The following GAN variants were observed in gnomAD, a reference collection of about 807,000 sequenced individuals.
The protein encoded by GAN is gigaxonin.
GAN carries 48 observed loss-of-function variants against 71.3 expected under a neutral mutation model. The observed-to-expected ratio is 0.67, with a 90% CI of 0.53 to 0.86. The LOEUF (loss-of-function observed/expected upper bound fraction) is 0.86. Ranked by LOEUF, GAN falls within the 40% of genes least tolerant of loss-of-function variation. GAN has a pLI of 0.00. For missense variants in GAN, 928 were observed against 770.1 expected, an observed-to-expected ratio of 1.21 and a Z score of -2.43; for synonymous variants, 386 against 276.8, an observed-to-expected ratio of 1.39 and a Z score of -3.92.
chr16:81,348,738 G>C (rs1336876137), intron 1 of GAN, among the ~76,000 whole-genome samples: 1 of 152,220 alleles, frequency 6.6e-6, no homozygotes, highest in East Asian at 1.9e-4. Flanking sequence ...GGTTAGACTT[G>C]TTGAACACAG....
intron 1 of GAN, among the ~76,000 whole-genome samples, chr16:81,328,708 C>T (rs1305843007): frequency 1.3e-5 from 2 of 149,838 alleles, no homozygotes; most frequent in Admixed American, 1.3e-4. Flanking sequence ...TCCTTCATCA[C>T]TTTTGGAAAT....
chr16:81,341,042 A>G (rs1468379023), intron 1 of GAN, among the ~76,000 whole-genome samples: 1 of 151,956 alleles, frequency 6.6e-6, no homozygotes, highest in African/African-American at 2.4e-5. Flanking sequence ...AAAGGATATC[A>G]GTGACTGAAG....
Position 81,351,661 on chromosome 16 carries a change from T to C in GAN, c.246T>C (p.Val82=). The change falls in exon 2 of 11, where the codon GTT becomes GTC. Residue 82 remains valine, a synonymous_variant. Coordinates refer to ENST00000648994, the MANE Select transcript of GAN (RefSeq NM_022041.4). ...KIELEGISVM[V]MREILDYIFS... is the part of the protein sequence containing the mutation. ...AACTTGAAGGGATATCGGTAATGGTTATGAGAGAGATCCTGGATTACATCT... is the reference window on the plus strand; with the variant it reads ...AACTTGAAGGGATATCGGTAATGGTCATGAGAGAGATCCTGGATTACATCT... 1 of 1,545,406 alleles carries C rather than the reference T, an allele frequency of 6.5e-7. No individual in the cohort carries two copies. The highest frequency in any genetic ancestry group is 8.9e-7 in the Non-Finnish European group (1 of 1,117,332).
rs145188850 is a variant in GAN at position 81,348,576 on chromosome 16, G to A, written c.168-3007G>A. Among the ~76,000 whole-genome samples, 5 of 152,350 alleles carry A rather than the reference G, an allele frequency of 3.3e-5. No homozygotes were observed. The East Asian group carries it at 7.7e-4, about 23-fold the overall frequency. ...TGTCAGTCTTCAGAGTAGCTGAGCAGCATCTCCAAATGCTGGGGGCCCTGT... is the reference window on the plus strand; with the variant it reads ...TGTCAGTCTTCAGAGTAGCTGAGCAACATCTCCAAATGCTGGGGGCCCTGT... On this transcript the variant is annotated intron_variant, in intron 1 of 10. Coordinates refer to ENST00000648994, the MANE Select transcript of GAN (RefSeq NM_022041.4).
intron 1 of GAN, among the ~76,000 whole-genome samples, chr16:81,349,952 A>AT (rs894564365): frequency 1.3e-5 from 2 of 151,924 alleles, no homozygotes; most frequent in South Asian, 2.1e-4. Flanking sequence ...TTTCACTTGA[A>AT]TTTTTTTTTA....
rs553481113 is a variant in GAN at position 81,390,794 on chromosome 16, T to C, written c.*13198T>C. The C allele has an allele frequency of 5.3e-5, 8 of 152,330 alleles. No homozygotes were observed. The highest frequency in any genetic ancestry group is 1.2e-4 in the Non-Finnish European group (8 of 68,020). The allele number at this position is 152,330 out of a possible 1,614,324, so 9.4% of individuals were successfully genotyped here. A position where few individuals can be genotyped will look rare whatever the true frequency, so the allele number is the denominator to read the frequency against. The stretch of plus-strand genomic sequence containing the variant: ...CTGTTTAATTAACCTAATAAAATAA[T>C]TTGATGGGGAAGGCATTCTAATTGT... On this transcript the variant is annotated 3_prime_UTR_variant, in exon 11 of 11. Transcript: ENST00000648994.
rs779191627 is a variant in GAN, at chr16:81,356,943, C to G, written c.792C>G (p.Ala264=). 10 of 1,613,600 alleles carry G rather than the reference C, an allele frequency of 6.2e-6. No homozygotes were observed. Among genetic ancestry groups the G allele is most frequent in the Non-Finnish European group, 8.5e-6 (10 of 1,179,770 alleles). The stretch of plus-strand genomic sequence containing the variant: ...CGCAGCAAGGGGAGGCGATGCTGGC[C>G]AACTTCAAACCCCGGGGCTACTCTG... ...SQPQQGEAML[A]NFKPRGYSEC... The change falls in exon 4 of 11, where the codon GCC becomes GCG. Residue 264 remains alanine, a synonymous_variant. Transcript: ENST00000648994.
intron 1 of GAN, among the ~76,000 whole-genome samples, chr16:81,351,262 A>G (rs1297540166): frequency 6.6e-6 from 1 of 152,218 alleles, no homozygotes; most frequent in African/African-American, 2.4e-5. Flanking sequence ...GATTAATTAG[A>G]GAATTCAATA....
At chr16:81,329,328 T>C (rs969506849) in intron 1 of GAN, among the ~76,000 whole-genome samples, 1 of 152,190 alleles carries the variant, frequency 6.6e-6, no homozygotes, top group African/African-American at 2.4e-5. Context: ...TCAGGGCAAC[T>C]GGAATCCGTG....
In GAN at chr16:81,388,015, C is replaced by T. The variant is rs984799651; in HGVS notation, c.*10419C>T. On this transcript the variant is annotated 3_prime_UTR_variant, in exon 11 of 11. Coordinates refer to ENST00000648994, the MANE Select transcript of GAN (RefSeq NM_022041.4). ...TTGTTCTCTCCATGTTCCACTGTGG[C>T]TCCCCATGGACACTGCTAGGTGGAA... The T allele has an allele frequency of 9.2e-5, 14 of 152,340 alleles. No homozygotes were observed. Among genetic ancestry groups the T allele is most frequent in the Admixed American group, 8.5e-4 (13 of 15,296 alleles). 9.4% of individuals were successfully genotyped at this position (152,340 alleles called of 1,614,324 possible).
intron 1 of GAN, among the ~76,000 whole-genome samples, chr16:81,338,267 G>C (rs931277526): frequency 6.6e-6 from 1 of 152,022 alleles, no homozygotes; most frequent in African/African-American, 2.4e-5. Context: ...TTTGTAAATT[G>C]ACATCATGTA....
rs905181005 is a variant in GAN, at chr16:81,379,040, G to T, written c.*1444G>T. 6.7e-6 allele frequency: 1 copy of T among 149,438 alleles called. No individual in the cohort carries two copies. The highest frequency in any genetic ancestry group is 2.5e-5 in the African/African-American group (1 of 39,590). 9.3% of individuals were successfully genotyped at this position (149,438 alleles called of 1,614,324 possible). A position where few individuals can be genotyped will look rare whatever the true frequency, so the allele number is the denominator to read the frequency against. ...ATTTTTAATTGTTTTCTAAAAAAAA[G>T]GTTTTTTTTTTCCTTTTGGAATATG... On this transcript the variant is annotated 3_prime_UTR_variant, in exon 11 of 11. Coordinates refer to ENST00000648994, the MANE Select transcript of GAN (RefSeq NM_022041.4).
intron 1 of GAN, among the ~76,000 whole-genome samples, chr16:81,324,401 G>A (rs1909313420): frequency 6.6e-6 from 1 of 152,108 alleles, no homozygotes; most frequent in South Asian, 2.1e-4. Flanking sequence ...CTCCGAGGTG[G>A]TGCCATTGAA....
At chr16:81,335,545 G>C (rs533256525) in intron 1 of GAN, among the ~76,000 whole-genome samples, 2 of 151,960 alleles carry the variant, frequency 1.3e-5, no homozygotes, top group Non-Finnish European at 2.9e-5. Context: ...TCAGGAGTTC[G>C]AGACCAGCCT....
At chr16:81,370,892 C>G (rs540027909) in intron 9 of GAN, among the ~76,000 whole-genome samples, 18 of 152,330 alleles carry the variant, frequency 1.2e-4, no homozygotes, top group African/African-American at 4.3e-4. Flanking sequence ...TTCTAGATTA[C>G]TTATGGTAGA....
intron 1 of GAN, among the ~76,000 whole-genome samples, chr16:81,321,126 C>G (rs1162484074): frequency 4.6e-5 from 7 of 152,186 alleles, no homozygotes; most frequent in African/African-American, 1.7e-4. Context: ...TTATATAACA[C>G]AGTGGTTGCC....
At chr16:81,367,841 GC>G (rs760734533) in intron 9 of GAN, among the ~76,000 whole-genome samples, 8 of 152,120 alleles carry the variant, frequency 5.3e-5, no homozygotes, top group Non-Finnish European at 1.0e-4. Context: ...AGGCGTTCTG[GC>G]CCCAGAGTCC....
At chr16:81,338,971 A>G (rs1057099320) in intron 1 of GAN, among the ~76,000 whole-genome samples, 2 of 152,244 alleles carry the variant, frequency 1.3e-5, no homozygotes, top group Non-Finnish European at 2.9e-5. Flanking sequence ...GCCCATGATC[A>G]TAGAAGCTCA....
intron 1 of GAN, among the ~76,000 whole-genome samples, chr16:81,341,471 G>A (rs570863223): frequency 2.0e-5 from 3 of 152,250 alleles, no homozygotes; most frequent in South Asian, 2.1e-4. Flanking sequence ...AAGAGAGTGG[G>A]GGCCAATATT....
Sources: allele counts gnomAD v4.1 joint callset (sites outside exome capture counted in the v4.1 genomes callset), GRCh38; gene constraint gnomAD v4.1.1; transcripts MANE v1.5; gene names NCBI Gene and HGNC (gene_info 2026-07-23, HGNC 2026-07-21).